Variants in NCKAP1L observed in about 807,000 individuals in gnomAD.
NCKAP1L encodes NCK associated protein 1 like, also known as nck-associated protein 1-like.
Under a neutral mutation model 139.2 loss-of-function variants are expected in NCKAP1L, and 53 were observed. The observed-to-expected ratio is 0.38, with a 90% CI of 0.31 to 0.48. The LOEUF (loss-of-function observed/expected upper bound fraction) is 0.48, where lower values mean the gene tolerates loss of function less well. NCKAP1L is among the 20% of genes least tolerant of loss of function. The pLI is 0.98. For synonymous variants in NCKAP1L, 468 were observed against 499.7 expected (o/e 0.94, Z 0.85); for missense variants, 1,151 against 1,381.9 (o/e 0.83, Z 2.65).
intron 30 of NCKAP1L, 147 bp downstream of exon 30, chr12:54,539,120 C>A: frequency 1.5e-6 from 1 of 650,784 alleles, no homozygotes; most frequent in South Asian, 1.8e-5. Context: ...TGAATGTAGT[C>A]CTCACATTCT....
intron 3 of NCKAP1L, among the ~76,000 whole-genome samples, chr12:54,502,460 TCTC>T (rs1478630258): frequency 6.6e-6 from 1 of 152,234 alleles, no homozygotes; most frequent in Non-Finnish European, 1.5e-5. Context: ...GTTATACTCT[TCTC>T]CTGGATCTCC....
At chr12:54,537,662 C>A (rs181092997) in intron 29 of NCKAP1L, among the ~76,000 whole-genome samples, 119 of 152,288 alleles carry the variant, frequency 7.8e-4, no homozygotes, top group Middle Eastern at 3.4e-3. Flanking sequence ...ACTTCTCAAA[C>A]TTTAATGTAA....
chr12:54,523,750 A>T, intron 19 of NCKAP1L, 75 bp from the exon 20 acceptor site: 1 of 1,546,942 alleles, frequency 6.5e-7, no homozygotes, highest in Non-Finnish European at 8.7e-7. Context: ...AAACTGGGTC[A>T]TGGGCCCAAC....
At position 54,538,968 on chromosome 12, in the gene NCKAP1L, C is replaced by G. The variant is rs142607419; in HGVS notation, c.3268C>G (p.Arg1090Gly). 6.2e-7 allele frequency: 1 copy of G among 1,613,554 alleles called. No individual in the cohort carries two copies. Among genetic ancestry groups the G allele is most frequent in the Non-Finnish European group, 8.5e-7 (1 of 1,179,608 alleles). The part of the protein sequence containing the change: ...RNRESISLLM[R>G]LVVEESSFLT... ...TCGAGAATCCATTTCTCTGCTCATG[C>G]GCTTGGTAAGTACCTTATTTAAATT... is the stretch of plus-strand genomic sequence containing the variant. Residue 1090 changes from arginine to glycine, a missense_variant, in exon 30 of 31, where the codon CGC (arginine) becomes GGC (glycine). Transcript: ENST00000293373.
chr12:54,526,806 C>T (rs1040335531), intron 21 of NCKAP1L, 60 bp downstream of exon 21: 65 of 1,457,694 alleles, frequency 4.5e-5, no homozygotes, highest in East Asian at 2.4e-4. Flanking sequence ...TTCCTTTACA[C>T]GGTAGGACCT....
intron 20 of NCKAP1L, among the ~76,000 whole-genome samples, chr12:54,525,009 G>C (rs908564569): frequency 3.3e-5 from 5 of 152,194 alleles, no homozygotes; most frequent in African/African-American, 1.2e-4. Context: ...AAGGCTCTGA[G>C]GTTCGAACAT....
At position 54,531,309 on chromosome 12, in the gene NCKAP1L, G is replaced by A; in HGVS notation, c.2556G>A (p.Leu852=). ...ELLGPYGMKF[L]SENLMWHVTS... ...TGGGCCCCTATGGCATGAAGTTCCTGAGTGAAAACCTGATGTGGCATGTGA... is the reference window on the plus strand; with the variant it reads ...TGGGCCCCTATGGCATGAAGTTCCTAAGTGAAAACCTGATGTGGCATGTGA... Residue 852 remains leucine (L), a synonymous_variant, in exon 23 of 31, where the codon CTG becomes CTA. Coordinates refer to ENST00000293373, the MANE Select transcript of NCKAP1L (RefSeq NM_005337.5). 6.2e-7 allele frequency: 1 copy of A among 1,614,154 alleles called. No homozygotes were observed. Among genetic ancestry groups the A allele is most frequent in the South Asian group, 1.1e-5 (1 of 91,076 alleles).
At chr12:54,527,720 T>TG (rs1294513199) in intron 21 of NCKAP1L, among the ~76,000 whole-genome samples, 1 of 152,198 alleles carries the variant, frequency 6.6e-6, no homozygotes, top group Non-Finnish European at 1.5e-5. Context: ...AGCAAGTGCC[T>TG]GGGAGAGGCG....
chr12:54,523,318 C>A, intron 18 of NCKAP1L, 76 bp from the exon 19 acceptor site: 1 of 1,512,440 alleles, frequency 6.6e-7, no homozygotes, highest in Non-Finnish European at 8.9e-7. Flanking sequence ...CAATGGACAA[C>A]AACCTTTTTA....
rs776906095 is a variant in NCKAP1L at position 54,516,280 on chromosome 12, A to G, written c.983A>G (p.His328Arg). 3 of 1,614,062 alleles carry G rather than the reference A, an allele frequency of 1.9e-6. No homozygotes were observed. Among genetic ancestry groups the G allele is most frequent in the Admixed American group, 3.3e-5 (2 of 60,024 alleles). ...GCAGACATAAAGGAGAGCAAGGAAC[A>G]TGTAATTGCAAACAGGTAAAGGGTG... ...RVADIKESKE[H>R]VIANSGQFHC... Residue 328 changes from histidine to arginine, a missense_variant, in exon 10 of 31, where the codon CAT becomes CGT. Physicochemically the swap from His to Arg is conservative, Grantham distance 29. Coordinates refer to ENST00000293373, the MANE Select transcript of NCKAP1L (RefSeq NM_005337.5).
At position 54,507,968 on chromosome 12, in the gene NCKAP1L, T is replaced by C. The variant is rs1008050422; in HGVS notation, c.363+59T>C. On this transcript the variant is annotated intron_variant, in intron 4 of 30. Coordinates refer to ENST00000293373, the MANE Select transcript of NCKAP1L (RefSeq NM_005337.5). ...GTCAAAGAAAAGGCCAGGTCTAGGT[T>C]GGGAGGTCTAGGTCTACTCACAGGA... 4.6e-6 allele frequency: 7 copies of C among 1,512,758 alleles called. No homozygotes were observed. In the African/African-American group the frequency reaches 9.6e-5, roughly 21 times the overall value. The allele number at this position is 1,512,758 out of a possible 1,614,324, so 93.7% of individuals were successfully genotyped here. A position where few individuals can be genotyped will look rare whatever the true frequency, so the allele number is the denominator to read the frequency against.
chr12:54,527,373 T>TTGCAAA (rs1316851624), intron 21 of NCKAP1L, among the ~76,000 whole-genome samples: 1 of 152,136 alleles, frequency 6.6e-6, no homozygotes, highest in African/African-American at 2.4e-5. Flanking sequence ...GAAACAAAGT[T>TTGCAAA]TGCAAATGCA....
At position 54,543,358 on chromosome 12, in the gene NCKAP1L, A is replaced by G. The variant is rs190653070; in HGVS notation, c.*673A>G. ...ATGTTCACTGCCCACCTACTCTACT[A>G]CATTGTTTGTTACAAGTTCTCTCTT... is the stretch of plus-strand genomic sequence containing the variant. On this transcript the variant is annotated 3_prime_UTR_variant, in exon 31 of 31. Coordinates refer to ENST00000293373, the MANE Select transcript of NCKAP1L (RefSeq NM_005337.5). 6.6e-6 allele frequency: 1 copy of G among 152,220 alleles called. No homozygotes were observed. 9.4% of individuals were successfully genotyped at this position (152,220 alleles called of 1,614,324 possible).
At chr12:54,520,872 C>T (rs768906951) in intron 17 of NCKAP1L, 46 bp downstream of exon 17, 8 of 1,611,746 alleles carry the variant, frequency 5.0e-6, no homozygotes, top group East Asian at 4.5e-5. Context: ...TAGTCATCAT[C>T]CTTATCACCC....
intron 3 of NCKAP1L, among the ~76,000 whole-genome samples, chr12:54,505,833 T>C (rs1468402003): frequency 6.6e-6 from 1 of 152,136 alleles, no homozygotes; most frequent in African/African-American, 2.4e-5. Context: ...TGGCTAATTT[T>C]GTATTTTTAG....
At chr12:54,509,528 T>C (rs557583957) in intron 5 of NCKAP1L, 141 bp from the exon 6 acceptor site, 33 of 640,886 alleles carry the variant, frequency 5.1e-5, no homozygotes, top group Admixed American at 1.6e-4. Context: ...TCTTTATATG[T>C]AATTTACAGT....
At chr12:54,532,626 G>T (rs890005988) in intron 26 of NCKAP1L, among the ~76,000 whole-genome samples, 2 of 152,146 alleles carry the variant, frequency 1.3e-5, no homozygotes, top group African/African-American at 4.8e-5. Flanking sequence ...AGGAAGATTT[G>T]TTCCTTTCAT....
intron 30 of NCKAP1L, among the ~76,000 whole-genome samples, chr12:54,541,585 T>C (rs1957158356): frequency 6.6e-6 from 1 of 152,236 alleles, no homozygotes; most frequent in African/African-American, 2.4e-5. Flanking sequence ...CTGCAGTTTC[T>C]GCTCTTTTGC....
At chr12:54,509,643 A>C in intron 5 of NCKAP1L, 26 bp from the exon 6 acceptor site, 1 of 1,515,208 alleles carries the variant, frequency 6.6e-7, no homozygotes, top group Non-Finnish European at 9.2e-7. Flanking sequence ...GGAGGGCTGT[A>C]ACCCCTCTCC....
Sources: allele counts gnomAD v4.1 joint callset (sites outside exome capture counted in the v4.1 genomes callset), GRCh38; gene constraint gnomAD v4.1.1; transcripts MANE v1.5; gene names NCBI Gene and HGNC (gene_info 2026-07-23, HGNC 2026-07-21).